The following PRKCH variants were observed in gnomAD, a reference collection of about 807,000 sequenced individuals.
PRKCH encodes protein kinase C eta.
In PRKCH, 28 loss-of-function variants were observed where a neutral mutation model predicts 82.5. The observed-to-expected ratio is 0.34, with a 90% CI of 0.25 to 0.47. The LOEUF is 0.47. PRKCH is among the 20% of genes least tolerant of loss of function. PRKCH has a pLI of 1.00. For missense variants in PRKCH, 705 were observed against 881.8 expected, an observed-to-expected ratio of 0.80 and a Z score of 2.54; for synonymous variants, 322 against 327.4, an observed-to-expected ratio of 0.98 and a Z score of 0.18.
intron 9 of PRKCH, among the ~76,000 whole-genome samples, chr14:61,467,870 C>A (rs1885329036): frequency 6.6e-6 from 1 of 152,176 alleles, no homozygotes; most frequent in South Asian, 2.1e-4. Flanking sequence ...TCATTTAATA[C>A]CCAAAGCATC....
At chr14:61,380,908 A>G (rs1298376040) in intron 1 of PRKCH, among the ~76,000 whole-genome samples, 5 of 152,184 alleles carry the variant, frequency 3.3e-5, no homozygotes, top group African/African-American at 9.7e-5. Context: ...AACACTTCCT[A>G]TGCTAGAACC....
intron 2 of PRKCH, among the ~76,000 whole-genome samples, chr14:61,430,755 C>T (rs1333114072): frequency 9.0e-6 from 1 of 111,130 alleles, no homozygotes; most frequent in Non-Finnish European, 2.1e-5. Context: ...TAATCAGCAG[C>T]TTCCTTTTTT....
chr14:61,428,044 TAG>T (rs1246929057), intron 2 of PRKCH, among the ~76,000 whole-genome samples: 2 of 68,290 alleles, frequency 2.9e-5, no homozygotes, highest in African/African-American at 1.0e-4. Context: ...TATATATATA[TAG>T]ATAGATAGAT....
chr14:61,265,679 T>C (rs2045093782), intron 1 of PRKCH, among the ~76,000 whole-genome samples: 1 of 152,190 alleles, frequency 6.6e-6, no homozygotes, highest in Non-Finnish European at 1.5e-5. Flanking sequence ...TCTTTGAATT[T>C]AGAGTCATTT....
At chr14:61,266,208 A>G (rs1412071919) in intron 1 of PRKCH, among the ~76,000 whole-genome samples, 1 of 152,096 alleles carries the variant, frequency 6.6e-6, no homozygotes. Flanking sequence ...ACTTGAGGTC[A>G]GGGGTTCGAC....
chr14:61,466,699 T>A (rs1203818795), intron 9 of PRKCH, among the ~76,000 whole-genome samples: 1 of 152,166 alleles, frequency 6.6e-6, no homozygotes, highest in Non-Finnish European at 1.5e-5. Flanking sequence ...AGCGAAGTAC[T>A]CCTCATTGTT....
chr14:61,399,896 A>G (rs1426940935), intron 2 of PRKCH, among the ~76,000 whole-genome samples: 1 of 150,698 alleles, frequency 6.6e-6, no homozygotes, highest in East Asian at 1.9e-4. Context: ...GCTTGTTTAG[A>G]AAAAAAAGGC....
chr14:61,428,112 C>CATAT lies in PRKCH; in HGVS notation c.428-14982_428-14979dup, dbSNP rs112740584. On this transcript the variant is annotated intron_variant, in intron 2 of 13. Transcript: ENST00000332981. ...ACACACACACATATATATATACACA[C>CATAT]ATATATATATATATATATATGTATC... Among the ~76,000 whole-genome samples the CATAT allele has an allele frequency of 1.4e-3, 210 of 145,590 alleles. 2 individuals carry two copies. The highest frequency in any genetic ancestry group is 4.2e-3 in the African/African-American group (159 of 37,564).
In PRKCH at chr14:61,280,673, T is replaced by TGGGC. The variant is rs1436545468; in HGVS notation, c.-19+93006_-19+93009dup. ...TTGGCGATGGCGCCGCAGGGCGCGATGGGCAGGCCGGCCGCGCTGCGCTGG... is the reference window on the plus strand; with the variant it reads ...TTGGCGATGGCGCCGCAGGGCGCGATGGGCGGGCAGGCCGGCCGCGCTGCGCTGG... On this transcript the variant is annotated intron_variant, in intron 1 of 3. Transcript: ENST00000555185. The surrounding 1 kb of genome is among the most constrained non-coding windows in gnomAD (Gnocchi z 5.0). The TGGGC allele has an allele frequency of 6.4e-7, 1 of 1,573,428 alleles. No homozygotes were observed. Among genetic ancestry groups the TGGGC allele is most frequent in the African/African-American group, 1.4e-5 (1 of 74,008 alleles).
chr14:61,280,076 C>A lies in PRKCH; in HGVS notation c.-19+92408C>A. The A allele has an allele frequency of 6.3e-7, 1 of 1,590,446 alleles. No individual in the cohort carries two copies. The highest frequency in any genetic ancestry group is 8.6e-7 in the Non-Finnish European group (1 of 1,168,256). ...AGTTTTGGCAAGAAGCAGGAGGGAT[C>A]CCTGGAAAGCCGGAATCACTCCTCG... On this transcript the variant is annotated intron_variant, in intron 1 of 3. Transcript: ENST00000555185. The surrounding 1 kb of genome is among the most constrained non-coding windows in gnomAD (Gnocchi z 5.0).
At chr14:61,266,266 A>G (rs2045099876) in intron 1 of PRKCH, among the ~76,000 whole-genome samples, 1 of 150,034 alleles carries the variant, frequency 6.7e-6, no homozygotes, top group African/African-American at 2.5e-5. Context: ...AAAAATACAA[A>G]AATTAGCTGG....
intron 12 of PRKCH, among the ~76,000 whole-genome samples, chr14:61,537,096 C>CTT (rs2140019576): frequency 6.6e-6 from 1 of 152,330 alleles, no homozygotes; most frequent in South Asian, 2.1e-4. Flanking sequence ...CTAAAAGTAA[C>CTT]TTTATATGCA....
At chr14:61,347,056 G>T (rs1283845883) in intron 1 of PRKCH, among the ~76,000 whole-genome samples, 1 of 152,102 alleles carries the variant, frequency 6.6e-6, no homozygotes, top group African/African-American at 2.4e-5. Flanking sequence ...TGATTCAGTT[G>T]TTTCTTTGAG....
intron 1 of PRKCH, among the ~76,000 whole-genome samples, chr14:61,192,162 A>T (rs1345883928): frequency 1.3e-5 from 2 of 152,138 alleles, no homozygotes; most frequent in Admixed American, 6.5e-5. Flanking sequence ...GGTACATATT[A>T]TTCAAATTTA....
At chr14:61,382,939 C>G (rs1397876842) in intron 1 of PRKCH, among the ~76,000 whole-genome samples, 3 of 152,154 alleles carry the variant, frequency 2.0e-5, no homozygotes, top group Non-Finnish European at 4.4e-5. Flanking sequence ...TTTATCCAAG[C>G]CTGTTTAGAA....
At chr14:61,318,133 G>C (rs2045578952), upstream of PRKCH, among the ~76,000 whole-genome samples, 1 of 151,814 alleles carries the variant, frequency 6.6e-6, no homozygotes, top group Non-Finnish European at 1.5e-5. Flanking sequence ...GAGTGCAGTA[G>C]CATGATCATA....
intron 1 of PRKCH, chr14:61,326,851 C>A: frequency 4.5e-6 from 1 of 219,798 alleles, no homozygotes. Context: ...TTTTCTGCTG[C>A]TTCTAGAACA....
chr14:61,508,255 A>G (rs548222697), intron 10 of PRKCH, among the ~76,000 whole-genome samples: 32 of 152,298 alleles, frequency 2.1e-4, no homozygotes, highest in Admixed American at 9.8e-4. Flanking sequence ...GATTAAAACA[A>G]CTGTACTAGC....
intron 1 of PRKCH, among the ~76,000 whole-genome samples, chr14:61,337,289 G>A (rs1466574857): frequency 2.0e-5 from 3 of 151,968 alleles, no homozygotes; most frequent in East Asian, 1.9e-4. Context: ...GACCATAGGC[G>A]TGCGCCACCA....
Sources: gnomAD v4.1 joint callset for allele counts (sites outside exome capture counted in the v4.1 genomes callset) on GRCh38, gnomAD v4.1.1 for gene constraint, Gnocchi (gnomAD v3.1) non-coding constraint, MANE v1.5 for transcripts, NCBI Gene and HGNC (gene_info 2026-07-23, HGNC 2026-07-21) for gene names.